The following SSH2 variants were observed in gnomAD, a reference collection of about 807,000 sequenced individuals.
SSH2 encodes the protein slingshot protein phosphatase 2, also known as protein phosphatase Slingshot homolog 2.
SSH2 carries 37 observed loss-of-function variants against 135.2 expected under a neutral mutation model. The ratio of observed to expected loss-of-function variants is 0.27; its 90% CI spans 0.21 to 0.36. The LOEUF (loss-of-function observed/expected upper bound fraction) is 0.36, where lower values mean the gene tolerates loss of function less well. Among genes scored for constraint, SSH2 ranks in the 10% least tolerant of loss-of-function variants. SSH2 has a pLI of 1.00. For missense variants in SSH2, 1,408 were observed against 1,765.3 expected (o/e 0.80, Z 3.63); for synonymous variants, 628 against 646.2 (o/e 0.97, Z 0.43).
At chr17:29,890,832 T>G (rs1026552403) in intron 1 of SSH2, among the ~76,000 whole-genome samples, 2 of 152,196 alleles carry the variant, frequency 1.3e-5, no homozygotes, top group Non-Finnish European at 2.9e-5. Context: ...CTCGGCTCAC[T>G]GCAACCTCTG....
At chr17:29,735,478 C>T (rs1001257265) in intron 3 of SSH2, among the ~76,000 whole-genome samples, 1 of 152,064 alleles carries the variant, frequency 6.6e-6, no homozygotes. Flanking sequence ...AGGCACATCA[C>T]AGGAGGTCAG....
chr17:29,876,827 T>C (rs2066042202), intron 1 of SSH2, among the ~76,000 whole-genome samples: 2 of 150,996 alleles, frequency 1.3e-5, no homozygotes, highest in Non-Finnish European at 2.9e-5. Context: ...TCTTGAGTAA[T>C]ACCCCACATG....
At chr17:29,738,805 C>G (rs545357239) in intron 3 of SSH2, among the ~76,000 whole-genome samples, 2 of 152,062 alleles carry the variant, frequency 1.3e-5, no homozygotes, top group Admixed American at 1.3e-4. Flanking sequence ...CCGCCCGCCC[C>G]GGCCTCCCAA....
intron 6 of SSH2, among the ~76,000 whole-genome samples, chr17:29,680,706 A>G (rs890387672): frequency 6.6e-6 from 1 of 152,020 alleles, no homozygotes; most frequent in Admixed American, 6.6e-5. Context: ...GCTCTACCAC[A>G]AGTTTTGTTG....
intron 11 of SSH2, among the ~76,000 whole-genome samples, chr17:29,665,486 T>G (rs530979313): frequency 6.6e-6 from 1 of 152,252 alleles, no homozygotes; most frequent in Admixed American, 6.5e-5. Flanking sequence ...ATATTCAGAG[T>G]GAGGTGGATC....
intron 2 of SSH2, among the ~76,000 whole-genome samples, chr17:29,829,618 C>T (rs549190226): frequency 1.3e-5 from 2 of 152,208 alleles, no homozygotes; most frequent in Admixed American, 6.5e-5. Context: ...ATTGTGTATA[C>T]GTTACCTATC....
rs1040614524 is a variant in SSH2, at chr17:29,886,904, T to C, written c.64-37975A>G. On this transcript the variant is annotated intron_variant, in intron 1 of 15. Coordinates refer to ENST00000540801, the MANE Select transcript of SSH2 (RefSeq NM_001282129.2). ...AATTATAGCGCTCCTTCAACTTCTA[T>C]TACACAGTTCTGAAGACACTTTACC... is the stretch of plus-strand genomic sequence containing the variant. 2.6e-5 allele frequency among the ~76,000 whole-genome samples: 4 copies of C among 152,334 alleles called. No homozygotes were observed. In the South Asian group the frequency reaches 8.3e-4, roughly 32 times the overall value.
chr17:29,777,756 A>G (rs1284964809), intron 3 of SSH2: 2 of 162,190 alleles, frequency 1.2e-5, no homozygotes, highest in Non-Finnish European at 2.7e-5. Context: ...TTTCCAATGT[A>G]TATTCATGCC....
intron 1 of SSH2, among the ~76,000 whole-genome samples, chr17:29,898,341 G>A (rs2066482078): frequency 6.6e-6 from 1 of 152,090 alleles, no homozygotes; most frequent in South Asian, 2.1e-4. Flanking sequence ...GAATCCAGGA[G>A]CTGGTTTTTT....
At chr17:29,924,352 A>G (rs2067026860) in intron 1 of SSH2, among the ~76,000 whole-genome samples, 1 of 152,204 alleles carries the variant, frequency 6.6e-6, no homozygotes, top group Non-Finnish European at 1.5e-5. Flanking sequence ...TCAAGAAATA[A>G]AATGTATATG....
At chr17:29,866,426 T>C (rs2065857304) in intron 1 of SSH2, among the ~76,000 whole-genome samples, 1 of 152,240 alleles carries the variant, frequency 6.6e-6, no homozygotes, top group African/African-American at 2.4e-5. Flanking sequence ...AACACCTATA[T>C]AGTGCAAAAT....
At chr17:29,744,602 C>T (rs186751285) in intron 3 of SSH2, among the ~76,000 whole-genome samples, 45 of 152,236 alleles carry the variant, frequency 3.0e-4, no homozygotes, top group Admixed American at 2.1e-3. Context: ...AAGAGTTGTA[C>T]ATTGCTTATA....
At chr17:29,768,777 T>C (rs2151269286) in intron 3 of SSH2, among the ~76,000 whole-genome samples, 1 of 152,292 alleles carries the variant, frequency 6.6e-6, no homozygotes, top group Non-Finnish European at 1.5e-5. Context: ...ATCAGTGTCC[T>C]AGAATGTAGT....
intron 6 of SSH2, 70 bp from the exon 7 acceptor site, chr17:29,677,811 C>T: frequency 8.5e-7 from 1 of 1,182,990 alleles, no homozygotes. Flanking sequence ...TTTACTAACT[C>T]TTTCAACACC....
chr17:29,658,944 A>T (rs2036907773), intron 11 of SSH2, among the ~76,000 whole-genome samples: 1 of 151,506 alleles, frequency 6.6e-6, no homozygotes, highest in South Asian at 2.1e-4. Context: ...CCTATTGGTG[A>T]CATTTTCATT....
intron 1 of SSH2, among the ~76,000 whole-genome samples, chr17:29,906,606 T>A (rs936310206): frequency 2.0e-5 from 3 of 152,172 alleles, no homozygotes; most frequent in Non-Finnish European, 4.4e-5. Flanking sequence ...ATTTTTGCAA[T>A]CTATCCATCT....
At chr17:29,863,199 T>C (rs779296707) in intron 1 of SSH2, among the ~76,000 whole-genome samples, 2 of 152,186 alleles carry the variant, frequency 1.3e-5, no homozygotes, top group African/African-American at 4.8e-5. Context: ...TGCCAACTCC[T>C]GGCCTAGAGC....
In SSH2 at chr17:29,630,882, C is replaced by G. The variant is rs764778124; in HGVS notation, c.4312G>C (p.Asp1438His). The G allele has an allele frequency of 3.2e-6, 5 of 1,570,352 alleles. No individual in the cohort carries two copies. The South Asian group carries it at 4.6e-5, about 15-fold the overall frequency. The stretch of plus-strand genomic sequence containing the variant: ...AAGGGGTTGGTTGTCCGTTTTTTGT[C>G]ATTTGCCTTTTTCAGTCTCCTAAGG... ...HPLRRLKKAN[D>H]KKRTTNPFYN... The change falls in exon 16 of 16, where the codon GAC (aspartate) becomes CAC (histidine). Residue 1438 changes from aspartate to histidine, a missense_variant. Asp to His is a moderately conservative substitution (Grantham distance 81). Coordinates refer to ENST00000540801, the MANE Select transcript of SSH2 (RefSeq NM_001282129.2).
At chr17:29,732,188 T>C (rs1288289455) in intron 3 of SSH2, among the ~76,000 whole-genome samples, 1 of 152,244 alleles carries the variant, frequency 6.6e-6, no homozygotes. Context: ...ATTAATGATA[T>C]CTACCTTGTC....
Sources: gnomAD v4.1 joint callset for allele counts (sites outside exome capture counted in the v4.1 genomes callset) on GRCh38, gnomAD v4.1.1 for gene constraint, MANE v1.5 for transcripts, NCBI Gene and HGNC (gene_info 2026-07-23, HGNC 2026-07-21) for gene names.